The following SH3PXD2A variants were observed in gnomAD, a reference collection of about 807,000 sequenced individuals.
SH3PXD2A encodes SH3 and PX domain-containing protein 2A.
Under a neutral mutation model 115.2 loss-of-function variants are expected in SH3PXD2A, and 32 were observed. The ratio of observed to expected loss-of-function variants is 0.28; its 90% CI spans 0.21 to 0.37. The LOEUF is 0.37. SH3PXD2A is among the 10% of genes least tolerant of loss of function. SH3PXD2A has a pLI of 1.00. For synonymous variants in SH3PXD2A, 610 were observed against 629.1 expected (o/e 0.97, Z 0.45); for missense variants, 1,328 against 1,498.7 (o/e 0.89, Z 1.88).
chr10:103,628,654 GC>G (rs769227497), intron 8 of SH3PXD2A, among the ~76,000 whole-genome samples: 17 of 152,052 alleles, frequency 1.1e-4, no homozygotes, highest in Admixed American at 6.5e-4. Flanking sequence ...CCCCGGTCAG[GC>G]CCTCTTGCTC....
At chr10:103,712,209 T>C (rs1405018216) in intron 5 of SH3PXD2A, among the ~76,000 whole-genome samples, 1 of 152,204 alleles carries the variant, frequency 6.6e-6, no homozygotes, top group Non-Finnish European at 1.5e-5. Context: ...AAGTACATAT[T>C]ATAGCATGTA....
rs1037728904 is a variant in SH3PXD2A, at chr10:103,599,709, G to T, written c.*2107C>A. ...AATGAACCACTTCTTTATCATTATTGTTCAAATAAGTACAAATAATATTAA... is the reference window on the plus strand; with the variant it reads ...AATGAACCACTTCTTTATCATTATTTTTCAAATAAGTACAAATAATATTAA... On this transcript the variant is annotated 3_prime_UTR_variant, in exon 15 of 15. Coordinates refer to ENST00000369774, the MANE Select transcript of SH3PXD2A (RefSeq NM_001394015.1). 6.6e-6 allele frequency: 1 copy of T among 152,372 alleles called. No homozygotes were observed. The highest frequency in any genetic ancestry group is 1.5e-5 in the Non-Finnish European group (1 of 68,006). The allele number at this position is 152,372 out of a possible 1,614,324, so 9.4% of individuals were successfully genotyped here.
chr10:103,739,987 G>A (rs1020597631), intron 3 of SH3PXD2A, among the ~76,000 whole-genome samples: 1 of 152,198 alleles, frequency 6.6e-6, no homozygotes, highest in South Asian at 2.1e-4. Flanking sequence ...ACTGCTGTGT[G>A]CTCATCGGAG....
chr10:103,709,777 A>C (rs181232059), intron 5 of SH3PXD2A, among the ~76,000 whole-genome samples: 1 of 152,340 alleles, frequency 6.6e-6, no homozygotes, highest in African/African-American at 2.4e-5. Context: ...AACTATACCC[A>C]CTTCATAGGA....
chr10:103,804,302 G>T (rs113867669), intron 1 of SH3PXD2A, among the ~76,000 whole-genome samples: 2 of 143,878 alleles, frequency 1.4e-5, no homozygotes, highest in East Asian at 4.2e-4. Context: ...TTTTATTTTT[G>T]GTTGACATCA....
chr10:103,751,068 A>G (rs2038572953), intron 3 of SH3PXD2A, among the ~76,000 whole-genome samples: 1 of 152,272 alleles, frequency 6.6e-6, no homozygotes, highest in South Asian at 2.1e-4. Context: ...CAGAGTATGC[A>G]AGGCAGAGAA....
chr10:103,761,182 TG>T (rs1323520221), intron 3 of SH3PXD2A, among the ~76,000 whole-genome samples: 27 of 152,338 alleles, frequency 1.8e-4, no homozygotes, highest in African/African-American at 6.0e-4. Context: ...TCTAGTTAGT[TG>T]AGTTGTGCCA....
intron 3 of SH3PXD2A, 54 bp from the exon 4 acceptor site, chr10:103,735,862 C>G: frequency 2.2e-6 from 3 of 1,339,932 alleles, no homozygotes; most frequent in Non-Finnish European, 3.2e-6. Context: ...GCTACAGAGA[C>G]CTTCTCATTC....
intron 4 of SH3PXD2A, among the ~76,000 whole-genome samples, chr10:103,732,216 CT>C (rs1179987306): frequency 6.6e-6 from 1 of 152,190 alleles, no homozygotes; most frequent in Non-Finnish European, 1.5e-5. Context: ...TATTTCACCC[CT>C]AGGAACGGGG....
chr10:103,704,552 T>C (rs1327733025), intron 5 of SH3PXD2A, among the ~76,000 whole-genome samples: 1 of 152,018 alleles, frequency 6.6e-6, no homozygotes, highest in African/African-American at 2.4e-5. Context: ...GCGACAGGAG[T>C]GACAGCCAAG....
At chr10:103,721,254 G>A (rs1277968763) in intron 5 of SH3PXD2A, among the ~76,000 whole-genome samples, 4 of 152,166 alleles carry the variant, frequency 2.6e-5, no homozygotes, top group Non-Finnish European at 4.4e-5. Flanking sequence ...TGACCAGCTC[G>A]TGAGTTCTGC....
At chr10:103,821,315 G>C (rs575172036) in intron 1 of SH3PXD2A, among the ~76,000 whole-genome samples, 3 of 152,044 alleles carry the variant, frequency 2.0e-5, no homozygotes, top group African/African-American at 7.2e-5. Flanking sequence ...TTTTAGTAGA[G>C]ACAGGGTTTC....
chr10:103,806,214 C>T (rs914703489), intron 1 of SH3PXD2A, among the ~76,000 whole-genome samples: 1 of 152,120 alleles, frequency 6.6e-6, no homozygotes, highest in East Asian at 1.9e-4. Flanking sequence ...CAGCCTACCC[C>T]CCTGGACAGA....
At chr10:103,636,169 GAGGCCGAGGC>G (rs1210556737) in intron 8 of SH3PXD2A, among the ~76,000 whole-genome samples, 1 of 152,208 alleles carries the variant, frequency 6.6e-6, no homozygotes, top group Non-Finnish European at 1.5e-5. Flanking sequence ...AGCACTTTGG[GAGGCCGAGGC>G]AGGCGGATCA....
In SH3PXD2A at chr10:103,617,319, G is replaced by A. The variant is rs2036534195; in HGVS notation, c.803-5C>T. On this transcript the variant is annotated splice_polypyrimidine_tract_variant and splice_region_variant and intron_variant, in intron 10 of 14. Transcript: ENST00000369774. The stretch of plus-strand genomic sequence containing the variant: ...GCACGGTGACATACTTCTCCTCTGG[G>A]GGTGGGAGCAAGCAAGCAAGATTAT... The A allele has an allele frequency of 6.2e-7, 1 of 1,602,898 alleles. No homozygotes were observed. The highest frequency in any genetic ancestry group is 2.2e-5 in the East Asian group (1 of 44,848).
At position 103,665,424 on chromosome 10, in the gene SH3PXD2A, G is replaced by A. The variant is rs1309704622; in HGVS notation, c.472+3184C>T. On this transcript the variant is annotated intron_variant, in intron 7 of 14. Coordinates refer to ENST00000369774, the MANE Select transcript of SH3PXD2A (RefSeq NM_001394015.1). This position sits in a 1 kb window ranked among gnomAD's most constrained non-coding sequence, Gnocchi z 4.0. ...GACCTTCCTGAAGGCTGACTCTCTG[G>A]GACACAGGTAGAAAAGTTAAGGAAA... 6.6e-6 allele frequency among the ~76,000 whole-genome samples: 1 copy of A among 152,090 alleles called. No homozygotes were observed. The highest frequency in any genetic ancestry group is 1.5e-5 in the Non-Finnish European group (1 of 68,014).
At chr10:103,663,803 C>G (rs77705594) in intron 7 of SH3PXD2A, among the ~76,000 whole-genome samples, 2 of 152,220 alleles carry the variant, frequency 1.3e-5, no homozygotes, top group African/African-American at 2.4e-5. Flanking sequence ...TGCCCCCCGG[C>G]AGTTTTCTCC....
Position 103,601,871 on chromosome 10 carries a change from C to G in SH3PXD2A, c.3347G>C (p.Gly1116Ala). 1 of 1,613,776 alleles carries G rather than the reference C, an allele frequency of 6.2e-7. No individual in the cohort carries two copies. The highest frequency in any genetic ancestry group is 8.5e-7 in the Non-Finnish European group (1 of 1,179,820). The change falls in exon 15 of 15, where the codon GGT (glycine) becomes GCT (alanine). Residue 1116 changes from glycine (G) to alanine (A), a missense_variant. Gly to Ala is a moderately conservative substitution (Grantham distance 60). Coordinates refer to ENST00000369774, the MANE Select transcript of SH3PXD2A (RefSeq NM_001394015.1). ...NGWWYCQILDGVKPFKGWVPS... is the reference protein window; with the variant it reads ...NGWWYCQILDAVKPFKGWVPS... ...CACCCAGCCTTTGAAGGGCTTCACACCATCCAGGATCTGGCAGTACCACCA... is the reference window on the plus strand; with the variant it reads ...CACCCAGCCTTTGAAGGGCTTCACAGCATCCAGGATCTGGCAGTACCACCA...
At chr10:103,640,395 C>T (rs931790272) in intron 8 of SH3PXD2A, among the ~76,000 whole-genome samples, 1 of 151,966 alleles carries the variant, frequency 6.6e-6, no homozygotes, top group Non-Finnish European at 1.5e-5. Context: ...GTCTCCTGGG[C>T]TCCTGTCTGC....
Sources: allele counts gnomAD v4.1 joint callset (sites outside exome capture counted in the v4.1 genomes callset), GRCh38; gene constraint gnomAD v4.1.1; non-coding constraint Gnocchi (gnomAD v3.1); transcripts MANE v1.5; gene names NCBI Gene and HGNC (gene_info 2026-07-23, HGNC 2026-07-21).